Variants in CUL2 observed in about 807,000 individuals in gnomAD.
The protein encoded by CUL2 is cullin 2, also known as cullin-2.
A neutral mutation model predicts 110.2 loss-of-function variants in CUL2; 22 were observed. The observed-to-expected ratio is 0.20, with a 90% confidence interval of 0.14 to 0.28. The LOEUF (loss-of-function observed/expected upper bound fraction) is 0.28, where lower values mean the gene tolerates loss of function less well. Ranked by LOEUF, CUL2 falls within the 10% of genes least tolerant of loss-of-function variation. CUL2 has a pLI of 1.00. For missense variants in CUL2, 631 were observed against 905.5 expected, an observed-to-expected ratio of 0.70 and a Z score of 3.89; for synonymous variants, 279 against 293.2, an observed-to-expected ratio of 0.95 and a Z score of 0.49.
At chr10:35,030,431 G>A (rs1372519389) in intron 14 of CUL2, among the ~76,000 whole-genome samples, 1 of 152,068 alleles carries the variant, frequency 6.6e-6, no homozygotes, top group Admixed American at 6.5e-5. Flanking sequence ...CACTCAGGAT[G>A]GAGTGCAGTG....
chr10:35,065,841 G>A (rs945538018), intron 2 of CUL2, among the ~76,000 whole-genome samples: 4 of 152,060 alleles, frequency 2.6e-5, no homozygotes, highest in African/African-American at 4.8e-5. Flanking sequence ...CCTGGCAACA[G>A]AGCGAGACAC....
At chr10:35,023,374 G>A (rs2134678073) in intron 17 of CUL2, among the ~76,000 whole-genome samples, 1 of 152,066 alleles carries the variant, frequency 6.6e-6, no homozygotes, top group South Asian at 2.1e-4. Context: ...GTAACTATTT[G>A]GTTTTAACTA....
Position 35,017,568 on chromosome 10 carries a change from C to A in CUL2, c.1685-1174G>T, listed in dbSNP as rs535707265. On this transcript the variant is annotated intron_variant, in intron 17 of 20. Coordinates refer to ENST00000374749, the MANE Select transcript of CUL2 (RefSeq NM_003591.4). ...AATTCGCCGGGCATGATGGCATATGCCTGTAAACCCAGCTACTCGGGAGGC... is the reference window on the plus strand; with the variant it reads ...AATTCGCCGGGCATGATGGCATATGACTGTAAACCCAGCTACTCGGGAGGC... 2.0e-5 allele frequency among the ~76,000 whole-genome samples: 3 copies of A among 152,068 alleles called. No individual in the cohort carries two copies. The South Asian group carries it at 6.2e-4, about 32-fold the overall frequency.
intron 2 of CUL2, among the ~76,000 whole-genome samples, chr10:35,096,769 G>A (rs995011324): frequency 6.6e-6 from 1 of 150,698 alleles, no homozygotes; most frequent in Non-Finnish European, 1.5e-5. Context: ...AATTGCTCGT[G>A]TTAGGTTTTT....
At position 35,010,055 on chromosome 10, in the gene CUL2, C is replaced by T. The variant is rs539471359; in HGVS notation, c.*256G>A. 13 of 214,820 alleles carry T rather than the reference C, an allele frequency of 6.1e-5. No homozygotes were observed. The South Asian group carries it at 1.8e-3, about 30-fold the overall frequency. 13.3% of individuals were successfully genotyped at this position (214,820 alleles called of 1,614,324 possible). A position where few individuals can be genotyped will look rare whatever the true frequency, so the allele number is the denominator to read the frequency against. On this transcript the variant is annotated 3_prime_UTR_variant, in exon 21 of 21. Transcript: ENST00000374749. ...GGGGAGAAAAAGCATGGTACCCAAC[C>T]GAATTTCCACTTTTCAGCAATACTT...
At chr10:35,065,764 C>T (rs954715707) in intron 2 of CUL2, among the ~76,000 whole-genome samples, 70 of 151,940 alleles carry the variant, frequency 4.6e-4, no homozygotes, top group African/African-American at 1.7e-3. Context: ...GAGGCTGAGG[C>T]AGGAGAATTG....
intron 11 of CUL2, among the ~76,000 whole-genome samples, 182 bp downstream of exon 11, chr10:35,032,980 GCATT>G (rs1171754967): frequency 1.3e-5 from 2 of 151,894 alleles, no homozygotes; most frequent in Non-Finnish European, 2.9e-5. Context: ...CATTCTACAA[GCATT>G]CAATTTAACT....
intron 1 of CUL2, among the ~76,000 whole-genome samples, chr10:35,074,895 C>T (rs1319837168): frequency 6.6e-6 from 1 of 152,202 alleles, no homozygotes; most frequent in Non-Finnish European, 1.5e-5. Flanking sequence ...TACTTCATCG[C>T]TCTGAACTGT....
chr10:35,123,736 G>C (rs2087705515), intron 1 of CUL2, among the ~76,000 whole-genome samples: 1 of 152,158 alleles, frequency 6.6e-6, no homozygotes, highest in Admixed American at 6.5e-5. Flanking sequence ...AAGAAGACAA[G>C]ACATGTAGTT....
At chr10:35,022,966 A>T (rs776548333) in intron 17 of CUL2, among the ~76,000 whole-genome samples, 8 of 152,120 alleles carry the variant, frequency 5.3e-5, no homozygotes, top group Non-Finnish European at 8.8e-5. Flanking sequence ...AATCACTTGA[A>T]CCCAGAAGGT....
chr10:35,095,838 G>C (rs1454782282), intron 2 of CUL2, among the ~76,000 whole-genome samples: 2 of 152,090 alleles, frequency 1.3e-5, no homozygotes, highest in Non-Finnish European at 2.9e-5. Context: ...TGAGATTACA[G>C]GCGTGAGCCA....
intron 6 of CUL2, among the ~76,000 whole-genome samples, chr10:35,046,652 G>A (rs1291284250): frequency 6.6e-6 from 1 of 152,062 alleles, no homozygotes; most frequent in Non-Finnish European, 1.5e-5. Context: ...AGCACTTTAG[G>A]AGGCTGAGGT....
intron 3 of CUL2, among the ~76,000 whole-genome samples, chr10:35,061,769 GT>G (rs570989508): frequency 0.014 from 1,838 of 128,464 alleles, 21 homozygotes; most frequent in African/African-American, 0.037. Flanking sequence ...ACTTATGAGG[GT>G]TTTTTTTTTT....
chr10:35,026,971 C>T (rs2085350991), intron 16 of CUL2, among the ~76,000 whole-genome samples: 1 of 151,850 alleles, frequency 6.6e-6, no homozygotes, highest in Admixed American at 6.6e-5. Flanking sequence ...TCTCCTAATG[C>T]TATCCCTCCC....
At chr10:35,041,642 A>G in intron 8 of CUL2, among the ~76,000 whole-genome samples, 1 of 152,134 alleles carries the variant, frequency 6.6e-6, no homozygotes, top group Non-Finnish European at 1.5e-5. Flanking sequence ...GGCTCAAGTG[A>G]TCTTCCCACC....
chr10:35,103,407 C>T (rs1564753998), intron 1 of CUL2, among the ~76,000 whole-genome samples: 1 of 149,010 alleles, frequency 6.7e-6, no homozygotes, highest in Non-Finnish European at 1.5e-5. Context: ...TCACTGCAAG[C>T]TCCGCCTCCC....
At chr10:35,074,823 A>G (rs1404446600) in intron 1 of CUL2, among the ~76,000 whole-genome samples, 5 of 152,150 alleles carry the variant, frequency 3.3e-5, no homozygotes, top group African/African-American at 1.2e-4. Context: ...GGACCATTTA[A>G]GCTAGGTAAG....
chr10:35,021,242 TTTTC>T lies in CUL2; in HGVS notation c.1684+3886_1684+3889del, dbSNP rs201677936. ...AACCTCCATGTTAATCTGCAGCATG[TTTTC>T]TTTCTTTCTTTCTTTCTTTTTTTTT... On this transcript the variant is annotated intron_variant, in intron 17 of 20. Coordinates refer to ENST00000374749, the MANE Select transcript of CUL2 (RefSeq NM_003591.4). Among the ~76,000 whole-genome samples, 1,193 of 149,050 alleles carry T rather than the reference TTTTC, an allele frequency of 8.0e-3. 18 individuals carry two copies. Among genetic ancestry groups the T allele is most frequent in the African/African-American group, 0.026 (1,048 of 41,004 alleles).
At chr10:35,018,173 G>C (rs2085088654) in intron 17 of CUL2, among the ~76,000 whole-genome samples, 1 of 149,040 alleles carries the variant, frequency 6.7e-6, no homozygotes, top group African/African-American at 2.5e-5. Flanking sequence ...TGTAATCCCA[G>C]CTACTCGGGA....
Sources: allele counts gnomAD v4.1 joint callset (sites outside exome capture counted in the v4.1 genomes callset), GRCh38; gene constraint gnomAD v4.1.1; transcripts MANE v1.5; gene names NCBI Gene and HGNC (gene_info 2026-07-23, HGNC 2026-07-21).